The following COPS3 variants were observed in gnomAD, a reference collection of about 807,000 sequenced individuals.
COPS3 encodes the protein COP9 signalosome complex subunit 3.
Under a neutral mutation model 58.2 loss-of-function variants are expected in COPS3, and 10 were observed. The observed-to-expected ratio is 0.17, with a 90% CI of 0.11 to 0.29. COPS3 has a LOEUF of 0.29. COPS3 is among the 10% of genes least tolerant of loss of function. The probability of loss-of-function intolerance (pLI) is 1.00; values close to 1 mark genes in which losing one functional copy is unlikely to be tolerated. For synonymous variants in COPS3, 187 were observed against 181.7 expected, an observed-to-expected ratio of 1.03 and a Z score of -0.24; for missense variants, 333 against 510.1, an observed-to-expected ratio of 0.65 and a Z score of 3.34.
chr17:17,248,475 C>G (rs1412550171), intron 10 of COPS3, among the ~76,000 whole-genome samples: 1 of 152,086 alleles, frequency 6.6e-6, no homozygotes, highest in African/African-American at 2.4e-5. Flanking sequence ...CCACCACACC[C>G]GGCTGATTTT....
chr17:17,248,810 TCA>T, intron 10 of COPS3, 114 bp downstream of exon 10: 1 of 642,764 alleles, frequency 1.6e-6, no homozygotes, highest in East Asian at 2.7e-5. Context: ...ACTAAGATGT[TCA>T]CAGACTGGGA....
At chr17:17,275,571 A>G (rs965844072) in intron 2 of COPS3, among the ~76,000 whole-genome samples, 10 of 152,344 alleles carry the variant, frequency 6.6e-5, no homozygotes, top group African/African-American at 2.4e-4. Flanking sequence ...TGTAACTGCC[A>G]TAACTTTAGT....
At chr17:17,247,710 T>G in intron 10 of COPS3, 150 bp from the exon 11 acceptor site, 1 of 662,152 alleles carries the variant, frequency 1.5e-6, no homozygotes, top group Non-Finnish European at 2.6e-6. Flanking sequence ...CCAGAGTATT[T>G]TGGACTCAGA....
At chr17:17,247,952 A>G (rs2294154) in intron 10 of COPS3, 3,321 of 158,376 alleles carry the variant, frequency 0.021, 50 homozygotes, top group Middle Eastern at 0.038. Context: ...TAAGAAACAC[A>G]GACCACCCAC....
At chr17:17,265,384 G>GA (rs1050183325) in intron 5 of COPS3, among the ~76,000 whole-genome samples, 21 of 149,390 alleles carry the variant, frequency 1.4e-4, no homozygotes, top group African/African-American at 5.1e-4. Context: ...TAGCCATTCA[G>GA]AAAAAAACAG....
chr17:17,278,145 CGTT>C, intron 1 of COPS3, among the ~76,000 whole-genome samples: 1 of 151,960 alleles, frequency 6.6e-6, no homozygotes, highest in South Asian at 2.1e-4. Context: ...AGCAAGACTC[CGTT>C]TCGGGGGAAA....
At chr17:17,258,375 T>G (rs1234001386) in intron 8 of COPS3, among the ~76,000 whole-genome samples, 1 of 152,240 alleles carries the variant, frequency 6.6e-6, no homozygotes, top group Non-Finnish European at 1.5e-5. Flanking sequence ...CTCGGCTCAC[T>G]GCAACCTCTA....
intron 1 of COPS3, among the ~76,000 whole-genome samples, chr17:17,277,902 G>A (rs1206139288): frequency 6.6e-6 from 1 of 152,072 alleles, no homozygotes. Context: ...GGGAGGATAA[G>A]GTGGGCAGAT....
chr17:17,256,105 G>A (rs1203460333), intron 8 of COPS3, among the ~76,000 whole-genome samples: 4 of 151,144 alleles, frequency 2.6e-5, no homozygotes, highest in Non-Finnish European at 4.4e-5. Context: ...CGTGAACCCA[G>A]GAGGTGGAGC....
chr17:17,252,460 G>A (rs1234020287), intron 9 of COPS3, among the ~76,000 whole-genome samples: 1 of 152,090 alleles, frequency 6.6e-6, no homozygotes, highest in African/African-American at 2.4e-5. Context: ...TGGTGTGTGG[G>A]CTGTCCTGGG....
At chr17:17,248,391 G>T (rs1179544173) in intron 10 of COPS3, among the ~76,000 whole-genome samples, 1 of 152,174 alleles carries the variant, frequency 6.6e-6, no homozygotes, top group Non-Finnish European at 1.5e-5. Flanking sequence ...TCAGCTTACT[G>T]TAACATCTGC....
At chr17:17,261,865 G>T in intron 7 of COPS3, 101 bp downstream of exon 7, 1 of 1,001,072 alleles carries the variant, frequency 1.0e-6, no homozygotes, top group Non-Finnish European at 1.5e-6. Context: ...TGCTAGGAGA[G>T]CTAAATCAGT....
At chr17:17,266,731 G>T (rs141066007) in intron 5 of COPS3, among the ~76,000 whole-genome samples, 3 of 151,724 alleles carry the variant, frequency 2.0e-5, no homozygotes, top group Admixed American at 2.0e-4. Flanking sequence ...CCTGGGAGGC[G>T]GAGCTTGCAG....
intron 5 of COPS3, among the ~76,000 whole-genome samples, chr17:17,266,403 C>G (rs1440502358): frequency 6.6e-6 from 1 of 152,126 alleles, no homozygotes; most frequent in South Asian, 2.1e-4. Context: ...AACATAGTTT[C>G]CTTTGTAGAG....
chr17:17,253,117 T>G (rs1226594127), intron 9 of COPS3, among the ~76,000 whole-genome samples: 1 of 152,076 alleles, frequency 6.6e-6, no homozygotes. Flanking sequence ...TCACAGCTAC[T>G]TGGGAGGCTG....
intron 9 of COPS3, among the ~76,000 whole-genome samples, chr17:17,251,770 G>A (rs1432322060): frequency 1.3e-5 from 2 of 152,104 alleles, no homozygotes; most frequent in African/African-American, 4.8e-5. Context: ...GAAACAAACA[G>A]AACTAAAATA....
chr17:17,257,439 A>G (rs951966691), intron 8 of COPS3, among the ~76,000 whole-genome samples: 3 of 152,048 alleles, frequency 2.0e-5, no homozygotes, highest in Non-Finnish European at 4.4e-5. Context: ...TATGACCCCA[A>G]TTACATATAA....
intron 1 of COPS3, among the ~76,000 whole-genome samples, chr17:17,279,449 A>G (rs1305808196): frequency 1.3e-5 from 2 of 152,210 alleles, no homozygotes; most frequent in African/African-American, 2.4e-5. Context: ...ATAAATTAAC[A>G]AACCAGTGGT....
At chr17:17,253,423 G>T (rs1365750215) in intron 9 of COPS3, among the ~76,000 whole-genome samples, 1 of 152,178 alleles carries the variant, frequency 6.6e-6, no homozygotes, top group Non-Finnish European at 1.5e-5. Context: ...TCATTTAAAT[G>T]ATGCTTATCC....
Sources: gnomAD v4.1 joint callset for allele counts (sites outside exome capture counted in the v4.1 genomes callset) on GRCh38, gnomAD v4.1.1 for gene constraint, MANE v1.5 for transcripts, NCBI Gene and HGNC (gene_info 2026-07-23, HGNC 2026-07-21) for gene names.